The following GCLC variants were observed in gnomAD, a reference collection of about 807,000 sequenced individuals.
GCLC encodes the protein glutamate--cysteine ligase catalytic subunit.
Under a neutral mutation model 81.5 loss-of-function variants are expected in GCLC, and 30 were observed. The observed-to-expected ratio is 0.37, with a 90% CI of 0.28 to 0.50. The LOEUF (loss-of-function observed/expected upper bound fraction) is 0.50, where lower values mean the gene tolerates loss of function less well. Among genes scored for constraint, GCLC ranks in the 20% least tolerant of loss-of-function variants. The pLI, the probability that GCLC is intolerant of heterozygous loss-of-function variation, is 0.96. For missense variants in GCLC, 556 were observed against 777.4 expected (o/e 0.72, Z 3.39); for synonymous variants, 262 against 273.3 (o/e 0.96, Z 0.41).
At chr6:53,504,644 G>C (rs1764579269) in intron 12 of GCLC, among the ~76,000 whole-genome samples, 1 of 152,150 alleles carries the variant, frequency 6.6e-6, no homozygotes, top group Non-Finnish European at 1.5e-5. Flanking sequence ...CCTTCAGGGG[G>C]TGTGGGGATG....
chr6:53,528,297 T>C (rs1265276546), intron 1 of GCLC, among the ~76,000 whole-genome samples: 4 of 152,220 alleles, frequency 2.6e-5, no homozygotes, highest in Admixed American at 2.6e-4. Context: ...ATGTTAGATA[T>C]GTCTAATGAT....
At position 53,498,443 on chromosome 6, in the gene GCLC, C is replaced by A; in HGVS notation, c.*313G>T. ...TGGAATGCAAGTATTGTACAATTACCAGTACATTTACAAAACTGCTTAGAC... is the reference window on the plus strand; with the variant it reads ...TGGAATGCAAGTATTGTACAATTACAAGTACATTTACAAAACTGCTTAGAC... On this transcript the variant is annotated 3_prime_UTR_variant, in exon 16 of 16. Coordinates refer to ENST00000650454, the MANE Select transcript of GCLC (RefSeq NM_001498.4). The A allele has an allele frequency of 3.2e-6, 1 of 311,112 alleles. No homozygotes were observed. Among genetic ancestry groups the A allele is most frequent in the South Asian group, 4.4e-5 (1 of 22,672 alleles). The allele number at this position is 311,112 out of a possible 1,614,324, so 19.3% of individuals were successfully genotyped here. A position where few individuals can be genotyped will look rare whatever the true frequency, so the allele number is the denominator to read the frequency against.
At chr6:53,544,147 GT>G (rs1010556506) in intron 1 of GCLC, among the ~76,000 whole-genome samples, 6 of 152,234 alleles carry the variant, frequency 3.9e-5, no homozygotes, top group Non-Finnish European at 7.3e-5. Context: ...AGCCTGTAAG[GT>G]GGATCATGGT....
rs36205996 is a variant in GCLC, at chr6:53,544,865, G to A, written c.-220C>T. The A allele has an allele frequency of 5.9e-4, 241 of 405,976 alleles. 2 individuals are homozygous for A. In the South Asian group the frequency reaches 0.012, roughly 20 times the overall value. 25.1% of individuals were successfully genotyped at this position (405,976 alleles called of 1,614,324 possible). A position where few individuals can be genotyped will look rare whatever the true frequency, so the allele number is the denominator to read the frequency against. The stretch of plus-strand genomic sequence containing the variant: ...AGACCCTGGGTCCGACGCACCGCGC[G>A]GAGGCGAAGGCAGAAGACCGAGAGC... On this transcript the variant is annotated 5_prime_UTR_variant, in exon 1 of 16. Transcript: ENST00000650454.
In GCLC at chr6:53,516,233, T is replaced by C; in HGVS notation, c.447-11A>G. 6.7e-7 allele frequency: 1 copy of C among 1,500,906 alleles called. No individual in the cohort carries two copies. The highest frequency in any genetic ancestry group is 9.3e-7 in the Non-Finnish European group (1 of 1,076,734). 93.0% of individuals were successfully genotyped at this position (1,500,906 alleles called of 1,614,324 possible). The stretch of plus-strand genomic sequence containing the variant: ...CCAGGACAGCCTAATCTACAACAAA[T>C]TGAAGAACTAAATAGATGGGATTTG... On this transcript the variant is annotated splice_polypyrimidine_tract_variant and intron_variant, in intron 3 of 15. Transcript: ENST00000650454.
intron 1 of GCLC, among the ~76,000 whole-genome samples, chr6:53,539,639 T>C (rs1183876550): frequency 6.6e-6 from 1 of 152,152 alleles, no homozygotes; most frequent in Non-Finnish European, 1.5e-5. Flanking sequence ...TCCATGGCTC[T>C]ATAAGTGCAA....
chr6:53,541,551 G>A (rs1240528341), intron 1 of GCLC, among the ~76,000 whole-genome samples: 1 of 151,592 alleles, frequency 6.6e-6, no homozygotes, highest in East Asian at 1.9e-4. Context: ...CTTCTAAGAT[G>A]AGTTTTCCAC....
At position 53,508,870 on chromosome 6, in the gene GCLC, A is replaced by C. The variant is rs576161998; in HGVS notation, c.829-159T>G. ...TCTTACAGTGAAATATACCAGGAAG[A>C]ATCCAGTTCCTTGGGTTTGATTCAC... On this transcript the variant is annotated intron_variant, in intron 7 of 15. Transcript: ENST00000650454. Among the ~76,000 whole-genome samples the C allele has an allele frequency of 2.6e-3, 392 of 152,356 alleles. 3 individuals are homozygous for C. Among genetic ancestry groups the C allele is most frequent in the African/African-American group, 9.0e-3 (375 of 41,588 alleles).
In GCLC at chr6:53,509,757, T is replaced by G. The variant is rs17885354; in HGVS notation, c.754-507A>C. 1,175 of 174,830 alleles carry G rather than the reference T, an allele frequency of 6.7e-3. 13 individuals are homozygous for G. The highest frequency in any genetic ancestry group is 0.025 in the African/African-American group (1,053 of 41,730). The allele number at this position is 174,830 out of a possible 1,614,324, so 10.8% of individuals were successfully genotyped here. On this transcript the variant is annotated intron_variant, in intron 6 of 15. Coordinates refer to ENST00000650454, the MANE Select transcript of GCLC (RefSeq NM_001498.4). ...TCCACCTCCTGGGTTCACGCCATTC[T>G]TCCGCCTCAGCCTCCCGAGTAGCTG... is the stretch of plus-strand genomic sequence containing the variant.
intron 1 of GCLC, among the ~76,000 whole-genome samples, chr6:53,535,118 C>T (rs1763237276): frequency 6.6e-6 from 1 of 152,198 alleles, no homozygotes; most frequent in African/African-American, 2.4e-5. Context: ...TGAGGTGGCA[C>T]ATGCCTGTAA....
chr6:53,505,639 A>G (rs547569650), intron 11 of GCLC, 143 bp from the exon 12 acceptor site: 4 of 741,788 alleles, frequency 5.4e-6, no homozygotes, highest in Admixed American at 2.0e-5. Context: ...GCCCACATCT[A>G]TTCTCAGAAA....
intron 1 of GCLC, among the ~76,000 whole-genome samples, chr6:53,543,212 T>C (rs984104472): frequency 6.6e-6 from 1 of 152,174 alleles, no homozygotes; most frequent in African/African-American, 2.4e-5. Context: ...CGTCTTACAT[T>C]TTCCTGTGAC....
chr6:53,526,944 C>T (rs967286474), intron 1 of GCLC, among the ~76,000 whole-genome samples: 2 of 152,120 alleles, frequency 1.3e-5, no homozygotes, highest in Admixed American at 1.3e-4. Context: ...ACAGGCAGTT[C>T]CCCATTTAGG....
At chr6:53,514,711 G>A (rs946427897) in intron 4 of GCLC, among the ~76,000 whole-genome samples, 4 of 152,138 alleles carry the variant, frequency 2.6e-5, no homozygotes, top group Non-Finnish European at 5.9e-5. Context: ...GCTCCTGCTC[G>A]AGAATGCCGT....
Position 53,529,965 on chromosome 6 carries a change from T to G in GCLC, c.151-7438A>C, listed in dbSNP as rs561881402. On this transcript the variant is annotated intron_variant, in intron 1 of 15. Coordinates refer to ENST00000650454, the MANE Select transcript of GCLC (RefSeq NM_001498.4). ...ACTTCTTGGGCTGAGCAAGCAAGAA[T>G]GCACACATGATTTCCTTCTAAGGCA... is the stretch of plus-strand genomic sequence containing the variant. 6.6e-5 allele frequency among the ~76,000 whole-genome samples: 10 copies of G among 152,386 alleles called. No homozygotes were observed. In the South Asian group the frequency reaches 1.4e-3, roughly 22 times the overall value.
intron 1 of GCLC, among the ~76,000 whole-genome samples, chr6:53,536,996 C>A (rs1019856341): frequency 6.6e-6 from 1 of 152,236 alleles, no homozygotes; most frequent in Non-Finnish European, 1.5e-5. Context: ...CTTCTACAAG[C>A]TGGCTAAACC....
Position 53,544,653 on chromosome 6 carries a change from C to CCCTCCTCCTCCTCCTCCTCCT in GCLC, c.-29_-9dup. ...CTGGGACAGCAGCCCCATGGCCGCC[C>CCCTCCTCCTCCTCCTCCTCCT]CCTCCTCCTCCTCCTCCTCCTCCGG... On this transcript the variant is annotated 5_prime_UTR_variant, in exon 1 of 16. Coordinates refer to ENST00000650454, the MANE Select transcript of GCLC (RefSeq NM_001498.4). The CCCTCCTCCTCCTCCTCCTCCT allele has an allele frequency of 6.4e-7, 1 of 1,550,856 alleles. No homozygotes were observed. Among genetic ancestry groups the CCCTCCTCCTCCTCCTCCTCCT allele is most frequent in the South Asian group, 1.1e-5 (1 of 87,778 alleles).
intron 3 of GCLC, among the ~76,000 whole-genome samples, chr6:53,517,762 T>C (rs1482561071): frequency 1.3e-5 from 2 of 152,158 alleles, no homozygotes; most frequent in African/African-American, 2.4e-5. Context: ...CCCACAGAAC[T>C]TTCTGGAGTG....
In GCLC at chr6:53,506,736, C is replaced by T. The variant is rs1764622569; in HGVS notation, c.1197+177G>A. 1.7e-6 allele frequency: 1 copy of T among 588,312 alleles called. No homozygotes were observed. 36.4% of individuals were successfully genotyped at this position (588,312 alleles called of 1,614,324 possible). A position where few individuals can be genotyped will look rare whatever the true frequency, so the allele number is the denominator to read the frequency against. On this transcript the variant is annotated intron_variant, in intron 10 of 15. Transcript: ENST00000650454. This position sits in a 1 kb window ranked among gnomAD's most constrained non-coding sequence, Gnocchi z 4.0. ...ACTTGAAACCGATTTTTTATTTGTC[C>T]AAGTTCTTTACTGCACTGGGTAAAT... is the stretch of plus-strand genomic sequence containing the variant.
Sources: allele counts gnomAD v4.1 joint callset (sites outside exome capture counted in the v4.1 genomes callset), GRCh38; gene constraint gnomAD v4.1.1; non-coding constraint Gnocchi (gnomAD v3.1); transcripts MANE v1.5; gene names NCBI Gene and HGNC (gene_info 2026-07-23, HGNC 2026-07-21).